The following ZNF525 variants were observed in gnomAD, a reference collection of about 807,000 sequenced individuals.
ZNF525 encodes zinc finger protein 525.
Under a neutral mutation model 37.6 loss-of-function variants are expected in ZNF525, and 33 were observed. The ratio of observed to expected loss-of-function variants is 0.88; its 90% CI spans 0.67 to 1.17. The LOEUF (loss-of-function observed/expected upper bound fraction) is 1.17, where lower values mean the gene tolerates loss of function less well. Among genes scored for constraint, ZNF525 ranks in the 50% most tolerant of loss-of-function variants. The pLI is 0.00. For synonymous variants in ZNF525, 170 were observed against 182.3 expected (o/e 0.93, Z 0.54); for missense variants, 449 against 543.1 (o/e 0.83, Z 1.72).
At chr19:53,368,604 A>G (rs12973919) in intron 1 of ZNF525, among the ~76,000 whole-genome samples, 63,847 of 152,062 alleles carry the variant, frequency 0.42, 15,027 homozygotes, top group Non-Finnish European at 0.52. Context: ...GCTGCTAGCA[A>G]TGTTTTCAGC....
In ZNF525 at chr19:53,382,640, A is replaced by G; in HGVS notation, c.*621A>G. ...CCATCAAGCAATCCATGGCAGAGGG[A>G]AACTTTACAAATGTAATGATTGTCA... On this transcript the variant is annotated 3_prime_UTR_variant, in exon 4 of 4. Transcript: ENST00000474037. 1.4e-6 allele frequency: 1 copy of G among 705,350 alleles called. No homozygotes were observed. The highest frequency in any genetic ancestry group is 2.6e-6 in the Non-Finnish European group (1 of 380,668). The allele number at this position is 705,350 out of a possible 1,614,324, so 43.7% of individuals were successfully genotyped here. A position where few individuals can be genotyped will look rare whatever the true frequency, so the allele number is the denominator to read the frequency against.
rs954857548 is a variant in ZNF525, at chr19:53,382,418, C to T, written c.*399C>T. On this transcript the variant is annotated 3_prime_UTR_variant, in exon 4 of 4. Transcript: ENST00000474037. Reference sequence around the variant, plus strand: ...AACCGTACAAGTGTAATGAGTGTGGCAAGACCTTCAGTCAGAAGTCATGCC... The same window carrying T: ...AACCGTACAAGTGTAATGAGTGTGGTAAGACCTTCAGTCAGAAGTCATGCC... The T allele has an allele frequency of 5.6e-5, 50 of 892,762 alleles. 1 individual carries two copies. Among genetic ancestry groups the T allele is most frequent in the South Asian group, 4.4e-4 (34 of 76,656 alleles). The allele number at this position is 892,762 out of a possible 1,614,324, so 55.3% of individuals were successfully genotyped here.
At chr19:53,366,927 G>C (rs8107918) in intron 1 of ZNF525, among the ~76,000 whole-genome samples, 37,661 of 145,344 alleles carry the variant, frequency 0.26, 5,145 homozygotes, top group African/African-American at 0.35. Flanking sequence ...AAGGTACACA[G>C]CGGCTCAGCA....
At chr19:53,380,217 A>G (rs907735492) in intron 3 of ZNF525, among the ~76,000 whole-genome samples, 1 of 151,786 alleles carries the variant, frequency 6.6e-6, no homozygotes, top group African/African-American at 2.4e-5. Flanking sequence ...CACCCTTGCG[A>G]GTAGCTGGGA....
Position 53,381,819 on chromosome 19 carries a change from G to A in ZNF525, c.1240G>A (p.Glu414Lys). ...LHTGEKPYKCEECDEAFRFKS... is the reference protein window; with the variant it reads ...LHTGEKPYKCKECDEAFRFKS... ...TACTGGAGAGAAACCTTACAAGTGT[G>A]AAGAATGTGATGAAGCTTTCCGTTT... The change falls in exon 4 of 4, where the codon GAA becomes AAA. Residue 414 changes from glutamate (E) to lysine (K), a missense_variant. Glu to Lys is a moderately conservative substitution (Grantham distance 56). Around this residue, in one of 2 missense-constraint regions of ZNF525, gnomAD observed 178 missense variants for 161.5 expected, o/e 1.10. Transcript: ENST00000474037. 4.7e-6 allele frequency: 5 copies of A among 1,059,470 alleles called. No individual in the cohort carries two copies. The highest frequency in any genetic ancestry group is 1.7e-5 in the Admixed American group (1 of 59,320). 65.6% of individuals were successfully genotyped at this position (1,059,470 alleles called of 1,614,324 possible).
rs2085588903 is a variant in ZNF525, at chr19:53,384,183, G to A, written c.*2164G>A. ...TTCAAGCCTTAATTGACATTAAAGTGTTTATGTTAAGAGGACTGGGCTGTG... is the reference window on the plus strand; with the variant it reads ...TTCAAGCCTTAATTGACATTAAAGTATTTATGTTAAGAGGACTGGGCTGTG... On this transcript the variant is annotated 3_prime_UTR_variant, in exon 4 of 4. Coordinates refer to ENST00000474037, the MANE Select transcript of ZNF525 (RefSeq NM_001348156.2). 5.3e-6 allele frequency: 2 copies of A among 377,482 alleles called. No individual in the cohort carries two copies. The highest frequency in any genetic ancestry group is 1.1e-5 in the Non-Finnish European group (2 of 188,520). 23.4% of individuals were successfully genotyped at this position (377,482 alleles called of 1,614,324 possible). A position where few individuals can be genotyped will look rare whatever the true frequency, so the allele number is the denominator to read the frequency against.
intron 3 of ZNF525, among the ~76,000 whole-genome samples, chr19:53,380,117 G>C (rs771739677): frequency 9.3e-5 from 14 of 150,456 alleles, no homozygotes; most frequent in Non-Finnish European, 1.9e-4. Flanking sequence ...TTGAGATGGA[G>C]TCTCACTTTG....
rs1325412376 is a variant in ZNF525 at position 53,369,886 on chromosome 19, A to G, written c.-67-2329A>G. Among the ~76,000 whole-genome samples, 76 of 143,074 alleles carry G rather than the reference A, an allele frequency of 5.3e-4. 1 individual carries two copies. Among genetic ancestry groups the G allele is most frequent in the South Asian group, 4.5e-4 (2 of 4,418 alleles). 93.9% of individuals were successfully genotyped at this position (143,074 alleles called of 152,430 possible). A position where few individuals can be genotyped will look rare whatever the true frequency, so the allele number is the denominator to read the frequency against. The stretch of plus-strand genomic sequence containing the variant: ...ACTACAGGCGCCCGCCACCACGCCC[A>G]GCTAATTTTTTGTATTTTTAGTAGA... On this transcript the variant is annotated intron_variant, in intron 1 of 3. Coordinates refer to ENST00000474037, the MANE Select transcript of ZNF525 (RefSeq NM_001348156.2).
intron 3 of ZNF525, among the ~76,000 whole-genome samples, chr19:53,380,096 T>A (rs1783775362): frequency 6.9e-6 from 1 of 145,884 alleles, no homozygotes; most frequent in African/African-American, 2.5e-5. Flanking sequence ...CAGAAAAATA[T>A]TTTTTTTTTT....
At chr19:53,371,531 G>A (rs935083709) in intron 1 of ZNF525, among the ~76,000 whole-genome samples, 6 of 152,042 alleles carry the variant, frequency 3.9e-5, no homozygotes, top group Non-Finnish European at 2.9e-5. Context: ...ACCAAGCCCA[G>A]TTACTTTTTG....
Position 53,382,660 on chromosome 19 carries a change from T to C in ZNF525, c.*641T>C, listed in dbSNP as rs896824532. 4 of 720,286 alleles carry C rather than the reference T, an allele frequency of 5.6e-6. No homozygotes were observed. Among genetic ancestry groups the C allele is most frequent in the African/African-American group, 1.7e-5 (1 of 57,724 alleles). The allele number at this position is 720,286 out of a possible 1,614,324, so 44.6% of individuals were successfully genotyped here. On this transcript the variant is annotated 3_prime_UTR_variant, in exon 4 of 4. Transcript: ENST00000474037. ...GAGGGAAACTTTACAAATGTAATGATTGTCACCACGTCTTCAGTAATGCTA... is the reference window on the plus strand; with the variant it reads ...GAGGGAAACTTTACAAATGTAATGACTGTCACCACGTCTTCAGTAATGCTA...
rs185232159 is a variant in ZNF525, at chr19:53,370,165, A to T, written c.-67-2050A>T. On this transcript the variant is annotated intron_variant, in intron 1 of 3. Transcript: ENST00000474037. ...GCTGGGTGCGGTGGCCCACGCCTGT[A>T]ATCCTAGCACTTTGGGAGGCTGAGG... Among the ~76,000 whole-genome samples, 556 of 151,150 alleles carry T rather than the reference A, an allele frequency of 3.7e-3. 2 individuals are homozygous for T. Among genetic ancestry groups the T allele is most frequent in the African/African-American group, 0.013 (519 of 41,302 alleles).
In ZNF525 at chr19:53,383,990, C is replaced by T. The variant is rs561742014; in HGVS notation, c.*1971C>T. On this transcript the variant is annotated 3_prime_UTR_variant, in exon 4 of 4. Coordinates refer to ENST00000474037, the MANE Select transcript of ZNF525 (RefSeq NM_001348156.2). ...TACTGGACAGAAATCTTACAAATGT[C>T]ATCAGTGTGGCAAGGTCTTCAGTCC... is the stretch of plus-strand genomic sequence containing the variant. The T allele has an allele frequency of 7.6e-6, 6 of 788,862 alleles. No individual in the cohort carries two copies. In the Admixed American group the frequency reaches 1.1e-4, roughly 15 times the overall value. 48.9% of individuals were successfully genotyped at this position (788,862 alleles called of 1,614,324 possible).
At chr19:53,379,263 C>G (rs569627190) in intron 3 of ZNF525, 8 of 152,234 alleles carry the variant, frequency 5.3e-5, no homozygotes, top group African/African-American at 1.9e-4. Context: ...TTACAGGCAC[C>G]CGCCACCACA....
rs1469614097 is a variant in ZNF525, at chr19:53,382,105, C to A, written c.*86C>A. 4 of 1,538,192 alleles carry A rather than the reference C, an allele frequency of 2.6e-6. No individual in the cohort carries two copies. The highest frequency in any genetic ancestry group is 3.6e-6 in the Non-Finnish European group (4 of 1,119,540). ...GGCAAGATCTTCAGTCATACGTCAT[C>A]CATTGTATACCATCATAAATTTCAT... is the stretch of plus-strand genomic sequence containing the variant. On this transcript the variant is annotated 3_prime_UTR_variant, in exon 4 of 4. Transcript: ENST00000474037.
In ZNF525 at chr19:53,383,427, A is replaced by G. The variant is rs1309092844; in HGVS notation, c.*1408A>G. ...ATGTGAAGAATGTGACAAAGTTTAC[A>G]GTCGCAAATCAAACCTCGAAAGACA... is the stretch of plus-strand genomic sequence containing the variant. On this transcript the variant is annotated 3_prime_UTR_variant, in exon 4 of 4. Transcript: ENST00000474037. The G allele has an allele frequency of 1.9e-6, 2 of 1,056,270 alleles. No individual in the cohort carries two copies. Among genetic ancestry groups the G allele is most frequent in the South Asian group, 1.3e-5 (1 of 79,602 alleles). The allele number at this position is 1,056,270 out of a possible 1,614,324, so 65.4% of individuals were successfully genotyped here.
intron 3 of ZNF525, among the ~76,000 whole-genome samples, chr19:53,379,141 A>C (rs2085542170): frequency 6.6e-6 from 1 of 151,988 alleles, no homozygotes; most frequent in Non-Finnish European, 1.5e-5. Context: ...TTAGAGACGA[A>C]GTCTCACCCT....
In ZNF525 at chr19:53,383,924, TTTAC is replaced by T; in HGVS notation, c.*1908_*1911del. The T allele has an allele frequency of 1.5e-6, 1 of 683,258 alleles. No homozygotes were observed. Among genetic ancestry groups the T allele is most frequent in the Non-Finnish European group, 2.6e-6 (1 of 381,652 alleles). The allele number at this position is 683,258 out of a possible 1,614,324, so 42.3% of individuals were successfully genotyped here. A position where few individuals can be genotyped will look rare whatever the true frequency, so the allele number is the denominator to read the frequency against. On this transcript the variant is annotated 3_prime_UTR_variant, in exon 4 of 4. Transcript: ENST00000474037. Reference sequence around the variant, plus strand: ...CAAGTGTGATGATCGTGGCAAAGCCTTTACTTCACATTCTCACCTCATTAGACAT... The same window carrying T: ...CAAGTGTGATGATCGTGGCAAAGCCTTTCACATTCTCACCTCATTAGACAT...
At chr19:53,372,663 A>G (rs1037583711) in intron 2 of ZNF525, among the ~76,000 whole-genome samples, 3 of 152,224 alleles carry the variant, frequency 2.0e-5, no homozygotes, top group African/African-American at 7.2e-5. Context: ...GAAGTCACGC[A>G]CTAATGTGCA....
Sources: allele counts gnomAD v4.1 joint callset (sites outside exome capture counted in the v4.1 genomes callset), GRCh38; gene constraint gnomAD v4.1.1; regional missense constraint gnomAD v4.1.1; transcripts MANE v1.5; gene names NCBI Gene and HGNC (gene_info 2026-07-23, HGNC 2026-07-21).